Variants in CDH23 observed in about 807,000 individuals in gnomAD.
The protein encoded by CDH23 is cadherin related 23, also known as cadherin-23.
A neutral mutation model predicts 317.1 loss-of-function variants in CDH23; 189 were observed. The ratio of observed to expected loss-of-function variants is 0.60; its 90% CI spans 0.53 to 0.67. The LOEUF is 0.67. Among genes scored for constraint, CDH23 ranks in the 30% least tolerant of loss-of-function variants. The pLI is 0.00. For synonymous variants in CDH23, 1,839 were observed against 1,876.8 expected (o/e 0.98, Z 0.52); for missense variants, 4,401 against 4,592.4 (o/e 0.96, Z 1.20).
intron 11 of CDH23, among the ~76,000 whole-genome samples, chr10:71,634,144 C>T (rs12218474): frequency 0.19 from 28,290 of 152,234 alleles, 3,078 homozygotes; most frequent in South Asian, 0.36. Flanking sequence ...CTGGAGGCCT[C>T]TAGAGGGCCT....
At chr10:71,528,774 C>A (rs117543706) in intron 6 of CDH23, among the ~76,000 whole-genome samples, 1 of 152,196 alleles carries the variant, frequency 6.6e-6, no homozygotes, top group Non-Finnish European at 1.5e-5. Context: ...CAACATGCTC[C>A]CCTGGGACTC....
intron 41 of CDH23, 123 bp from the exon 42 acceptor site, chr10:71,784,164 C>A: frequency 9.6e-7 from 1 of 1,037,864 alleles, no homozygotes; most frequent in South Asian, 1.8e-5. Context: ...CTGGAGGACC[C>A]GGGCCCCAGC....
At chr10:71,406,042 G>A (rs544844449) in intron 1 of CDH23, among the ~76,000 whole-genome samples, 1 of 148,106 alleles carries the variant, frequency 6.8e-6, no homozygotes, top group Non-Finnish European at 1.5e-5. Context: ...TTGAGGCAAG[G>A]TCTTTCTCTG....
intron 22 of CDH23, among the ~76,000 whole-genome samples, chr10:71,699,839 A>C (rs1049342908): frequency 6.6e-6 from 1 of 152,148 alleles, no homozygotes; most frequent in African/African-American, 2.4e-5. Flanking sequence ...TGTACTCCCA[A>C]CCTGCCCTGT....
At chr10:71,482,505 A>T (rs115103065) in intron 3 of CDH23, among the ~76,000 whole-genome samples, 1 of 152,174 alleles carries the variant, frequency 6.6e-6, no homozygotes, top group Non-Finnish European at 1.5e-5. Context: ...TCTAGGCCAT[A>T]GTGGACACCT....
intron 9 of CDH23, among the ~76,000 whole-genome samples, chr10:71,585,968 C>A (rs1564670379): frequency 6.6e-6 from 1 of 152,238 alleles, no homozygotes; most frequent in African/African-American, 2.4e-5. Flanking sequence ...TGCGTCTCGT[C>A]TTCCCCATAC....
intron 3 of CDH23, among the ~76,000 whole-genome samples, chr10:71,480,522 G>A (rs1589122154): frequency 1.3e-5 from 2 of 152,228 alleles, no homozygotes; most frequent in Admixed American, 1.3e-4. Flanking sequence ...GGTGGCTGCT[G>A]CATTGGAGCT....
At chr10:71,789,133 T>G in intron 45 of CDH23, 91 bp downstream of exon 45, 1 of 696,008 alleles carries the variant, frequency 1.4e-6, no homozygotes, top group South Asian at 1.6e-5. Flanking sequence ...CCTAACGGCA[T>G]AGCTGAACCT....
intron 11 of CDH23, among the ~76,000 whole-genome samples, chr10:71,639,579 G>T (rs931099308): frequency 1.3e-5 from 2 of 152,198 alleles, no homozygotes; most frequent in Non-Finnish European, 2.9e-5. Context: ...ACTCCGAGGC[G>T]GGGTGGGGGC....
At chr10:71,532,700 C>T (rs60985114) in intron 6 of CDH23, among the ~76,000 whole-genome samples, 75,934 of 131,828 alleles carry the variant, frequency 0.58, 20,135 homozygotes, top group East Asian at 0.84. Flanking sequence ...GGCAAGTTTT[C>T]TTTTGTTTTT....
intron 1 of CDH23, among the ~76,000 whole-genome samples, chr10:71,404,452 C>G (rs544589865): frequency 5.3e-5 from 8 of 152,352 alleles, no homozygotes; most frequent in African/African-American, 1.9e-4. Context: ...TCCGATACCC[C>G]CTTGCTCCTT....
At chr10:71,667,359 A>AGAGAGAGAGTGTGTGTGTGT (rs58361666) in intron 14 of CDH23, among the ~76,000 whole-genome samples, 2,418 of 111,692 alleles carry the variant, frequency 0.022, 44 homozygotes, top group Non-Finnish European at 0.032. Flanking sequence ...AGAGAGAGAG[A>AGAGAGAGAGTGTGTGTGTGT]GTGTGTGTGT....
At chr10:71,798,601 G>A (rs952656682) in intron 50 of CDH23, 23 bp downstream of exon 50, 15 of 1,560,586 alleles carry the variant, frequency 9.6e-6, no homozygotes, top group African/African-American at 1.4e-5. Flanking sequence ...TCTGTCAGAG[G>A]AGGGCTGGGG....
chr10:71,516,082 G>A (rs575060841), intron 6 of CDH23, among the ~76,000 whole-genome samples: 125 of 152,320 alleles, frequency 8.2e-4, no homozygotes, highest in African/African-American at 3.0e-3. Context: ...CCAGAGGAAA[G>A]TCAACTCTGA....
intron 19 of CDH23, among the ~76,000 whole-genome samples, chr10:71,688,973 C>A (rs1589336023): frequency 4.7e-5 from 1 of 21,194 alleles, no homozygotes; most frequent in African/African-American, 1.5e-4. Context: ...TGGTGGAGTC[C>A]AGGGGTGGTG....
chr10:71,498,707 C>T (rs965926068), intron 3 of CDH23, among the ~76,000 whole-genome samples: 8 of 152,196 alleles, frequency 5.3e-5, no homozygotes, highest in African/African-American at 1.9e-4. Flanking sequence ...AACTTGACCT[C>T]TCTGTGATGC....
At chr10:71,544,043 G>A (rs1335407864) in intron 6 of CDH23, among the ~76,000 whole-genome samples, 2 of 152,196 alleles carry the variant, frequency 1.3e-5, no homozygotes, top group Admixed American at 6.5e-5. Flanking sequence ...GGCCAGCCTC[G>A]TCCTCGTGGG....
chr10:71,679,641 G>C, intron 17 of CDH23, 149 bp downstream of exon 17: 1 of 665,878 alleles, frequency 1.5e-6, no homozygotes, highest in Non-Finnish European at 2.7e-6. Context: ...ACCTGGGGTG[G>C]AGCAGGATGT....
rs567231871 is a variant in CDH23, at chr10:71,474,039, A to G, written c.145+27644A>G. ...GCGTCACAGCTAATTTAGCTCATCT[A>G]TAACCTAGGAATGGCACTGCTCTCA... On this transcript the variant is annotated intron_variant, in intron 3 of 69. Transcript: ENST00000224721. 1.2e-4 allele frequency among the ~76,000 whole-genome samples: 18 copies of G among 152,348 alleles called. 1 individual carries two copies. In the South Asian group the frequency reaches 3.7e-3, roughly 32 times the overall value.
Sources: gnomAD v4.1 joint callset for allele counts (sites outside exome capture counted in the v4.1 genomes callset) on GRCh38, gnomAD v4.1.1 for gene constraint, MANE v1.5 for transcripts, NCBI Gene and HGNC (gene_info 2026-07-23, HGNC 2026-07-21) for gene names.